Variants in KIAA1217 observed in about 807,000 individuals in gnomAD.
KIAA1217 encodes the protein sickle tail protein homolog.
Under a neutral mutation model 163.9 loss-of-function variants are expected in KIAA1217, and 88 were observed. The observed-to-expected ratio is 0.54, with a 90% CI of 0.45 to 0.64. The LOEUF (loss-of-function observed/expected upper bound fraction) is 0.64. Among genes scored for constraint, KIAA1217 ranks in the 30% least tolerant of loss-of-function variants. The probability of loss-of-function intolerance (pLI) is 0.00; values close to 1 mark genes in which losing one functional copy is unlikely to be tolerated. For synonymous variants in KIAA1217, 903 were observed against 923.1 expected (o/e 0.98, Z 0.39); for missense variants, 2,372 against 2,475.0 (o/e 0.96, Z 0.88).
intron 13 of KIAA1217, among the ~76,000 whole-genome samples, chr10:24,525,395 G>A (rs1045529816): frequency 2.0e-5 from 3 of 152,182 alleles, no homozygotes; most frequent in Non-Finnish European, 2.9e-5. Flanking sequence ...GACTAAGCCT[G>A]TCTAAGTGGA....
intron 2 of KIAA1217, among the ~76,000 whole-genome samples, chr10:24,189,297 G>A (rs1589832776): frequency 1.3e-5 from 2 of 152,022 alleles, no homozygotes; most frequent in Non-Finnish European, 2.9e-5. Context: ...GTGGTTGGCC[G>A]AAGGAGCACA....
rs999405331 is a variant in KIAA1217, at chr10:24,462,140, G to A, written c.847-11088G>A. Among the ~76,000 whole-genome samples the A allele has an allele frequency of 2.1e-4, 32 of 151,012 alleles. 1 individual carries two copies. In the South Asian group the frequency reaches 6.7e-3, roughly 32 times the overall value. ...ACTGAGTGATGTATAATATCGATAGGTATATATAAGTATAATATATATAAG... is the reference window on the plus strand; with the variant it reads ...ACTGAGTGATGTATAATATCGATAGATATATATAAGTATAATATATATAAG... On this transcript the variant is annotated intron_variant, in intron 5 of 20. Coordinates refer to ENST00000376454, the MANE Select transcript of KIAA1217 (RefSeq NM_019590.5).
chr10:24,353,863 A>G (rs2048756537), intron 2 of KIAA1217, among the ~76,000 whole-genome samples: 1 of 152,198 alleles, frequency 6.6e-6, no homozygotes, highest in Non-Finnish European at 1.5e-5. Flanking sequence ...AAAGATCAAA[A>G]TCTTATTTTA....
intron 2 of KIAA1217, among the ~76,000 whole-genome samples, chr10:24,144,517 C>T (rs902715777): frequency 6.6e-6 from 1 of 152,126 alleles, no homozygotes; most frequent in African/African-American, 2.4e-5. Context: ...TTTTGTGATT[C>T]CTGCAAATTC....
chr10:24,185,374 G>A (rs1161682301), intron 2 of KIAA1217, among the ~76,000 whole-genome samples: 1 of 151,780 alleles, frequency 6.6e-6, no homozygotes, highest in South Asian at 2.1e-4. Flanking sequence ...GCAAGTCCTC[G>A]AACTCTTCCT....
chr10:23,735,518 T>C (rs1838742787), intron 1 of KIAA1217, among the ~76,000 whole-genome samples: 2 of 151,900 alleles, frequency 1.3e-5, no homozygotes, highest in East Asian at 1.9e-4. Flanking sequence ...TTTAAAATTA[T>C]ATTTTTTTCT....
chr10:24,109,792 G>C (rs1209978800), intron 2 of KIAA1217, among the ~76,000 whole-genome samples: 2 of 152,308 alleles, frequency 1.3e-5, no homozygotes, highest in Non-Finnish European at 2.9e-5. Context: ...AGTCATAAAG[G>C]ATTTGGTTTG....
intron 1 of KIAA1217, among the ~76,000 whole-genome samples, chr10:23,799,192 T>G (rs1055510875): frequency 1.3e-5 from 2 of 152,170 alleles, no homozygotes; most frequent in Admixed American, 6.5e-5. Flanking sequence ...CATATTGTAT[T>G]GAGGCCCAAC....
At chr10:23,715,177 C>A (rs921291676) in intron 1 of KIAA1217, among the ~76,000 whole-genome samples, 15 of 152,154 alleles carry the variant, frequency 9.9e-5, no homozygotes, top group Non-Finnish European at 1.5e-4. Flanking sequence ...ACTTTAGCCT[C>A]CTCTTACTCC....
chr10:24,072,077 G>A (rs1225225949), intron 2 of KIAA1217, among the ~76,000 whole-genome samples: 1 of 152,080 alleles, frequency 6.6e-6, no homozygotes, highest in Non-Finnish European at 1.5e-5. Flanking sequence ...CCAGGCTGGA[G>A]TACAGTGGTG....
At chr10:24,133,198 T>A (rs188452729) in intron 2 of KIAA1217, among the ~76,000 whole-genome samples, 12 of 151,934 alleles carry the variant, frequency 7.9e-5, no homozygotes, top group African/African-American at 2.9e-4. Flanking sequence ...AGTAGGAGAA[T>A]CTCTGAGGAA....
intron 1 of KIAA1217, among the ~76,000 whole-genome samples, chr10:23,855,020 A>G (rs898547594): frequency 9.2e-5 from 14 of 152,040 alleles, no homozygotes; most frequent in Non-Finnish European, 1.9e-4. Context: ...TTACATTTAA[A>G]GTTAATATTG....
chr10:23,909,913 C>T (rs1842356934), intron 1 of KIAA1217, among the ~76,000 whole-genome samples: 1 of 152,188 alleles, frequency 6.6e-6, no homozygotes, highest in Non-Finnish European at 1.5e-5. Flanking sequence ...CTGCCACCAA[C>T]AGCGTAAAAG....
chr10:23,949,305 CT>C (rs1844217550), intron 1 of KIAA1217, among the ~76,000 whole-genome samples: 1 of 152,130 alleles, frequency 6.6e-6, no homozygotes, highest in African/African-American at 2.4e-5. Flanking sequence ...CAGTTGTTTT[CT>C]GGGAAACTCG....
chr10:23,910,695 G>A (rs765099503), intron 1 of KIAA1217, among the ~76,000 whole-genome samples: 9 of 152,194 alleles, frequency 5.9e-5, no homozygotes, highest in African/African-American at 1.4e-4. Context: ...TTAGTAGGAC[G>A]TTAGGTGTAA....
At chr10:24,531,103 G>C (rs1312320011) in intron 14 of KIAA1217, among the ~76,000 whole-genome samples, 2 of 152,102 alleles carry the variant, frequency 1.3e-5, no homozygotes, top group African/African-American at 4.8e-5. Flanking sequence ...TACTAGGGAG[G>C]CTAAGGTGGG....
intron 1 of KIAA1217, among the ~76,000 whole-genome samples, chr10:23,854,352 A>G (rs1473457391): frequency 2.0e-5 from 3 of 151,950 alleles, no homozygotes; most frequent in East Asian, 3.9e-4. Context: ...CCTAAGTTCT[A>G]GTTTGATTGC....
intron 1 of KIAA1217, among the ~76,000 whole-genome samples, chr10:23,830,793 A>C (rs1838155020): frequency 6.8e-6 from 1 of 146,512 alleles, no homozygotes; most frequent in African/African-American, 2.7e-5. Context: ...AAGAAAATAG[A>C]TAGGTGATAG....
intron 3 of KIAA1217, among the ~76,000 whole-genome samples, chr10:24,392,413 C>T (rs2055105454): frequency 6.6e-6 from 1 of 152,186 alleles, no homozygotes; most frequent in African/African-American, 2.4e-5. Flanking sequence ...AGTATTAAGT[C>T]ATGCAGTGAG....
Sources: gnomAD v4.1 joint callset for allele counts (sites outside exome capture counted in the v4.1 genomes callset) on GRCh38, gnomAD v4.1.1 for gene constraint, MANE v1.5 for transcripts, NCBI Gene and HGNC (gene_info 2026-07-23, HGNC 2026-07-21) for gene names.